Variants in CLNK observed in about 807,000 individuals in gnomAD.
The protein encoded by CLNK is cytokine dependent hematopoietic cell linker.
A neutral mutation model predicts 68.6 loss-of-function variants in CLNK; 74 were observed. That is an observed-to-expected ratio of 1.08 (90% confidence interval 0.89 to 1.31). The LOEUF (loss-of-function observed/expected upper bound fraction) is 1.31. CLNK is among the 50% of genes most tolerant of loss of function. The pLI is 0.00. For missense variants in CLNK, 553 were observed against 515.3 expected (o/e 1.07, Z -0.71); for synonymous variants, 198 against 172.2 (o/e 1.15, Z -1.17).
the CLNK span, among the ~76,000 whole-genome samples, chr4:10,699,470 C>CTG: frequency 0.023 from 271 of 11,950 alleles, no homozygotes; most frequent in African/African-American, 0.039. Context: ...CTCTCTGTCT[C>CTG]TCTCTCTCTC....
intron 2 of CLNK, 101 bp downstream of exon 2, chr4:10,667,758 C>T (rs549329038): frequency 6.3e-6 from 7 of 1,112,880 alleles, no homozygotes; most frequent in Admixed American, 2.9e-5. Context: ...TTTCCATGGG[C>T]GGCCACATTG....
intron 13 of CLNK, among the ~76,000 whole-genome samples, chr4:10,526,418 C>A (rs1440042899): frequency 1.3e-5 from 2 of 152,146 alleles, no homozygotes; most frequent in Non-Finnish European, 1.5e-5. Flanking sequence ...TCGATAAGAA[C>A]ATTTCTATTA....
chr4:10,722,147 T>C, the CLNK span, among the ~76,000 whole-genome samples: 1 of 152,070 alleles, frequency 6.6e-6, no homozygotes, highest in Non-Finnish European at 1.5e-5. Flanking sequence ...GCATTCCAGA[T>C]TGAGCGAGAG....
At chr4:10,535,707 A>G (rs983320986) in intron 11 of CLNK, among the ~76,000 whole-genome samples, 4 of 152,236 alleles carry the variant, frequency 2.6e-5, no homozygotes, top group Non-Finnish European at 5.9e-5. Context: ...ACACTGTTCT[A>G]ATATTTGCTT....
chr4:10,615,124 C>T (rs976539232), intron 2 of CLNK, among the ~76,000 whole-genome samples: 7 of 151,960 alleles, frequency 4.6e-5, no homozygotes, highest in Non-Finnish European at 7.4e-5. Flanking sequence ...AGGTGGAGGT[C>T]GGCAGTGACC....
In CLNK at chr4:10,564,564, G is replaced by A. The variant is rs17382991; in HGVS notation, c.399+107C>T. 0.056 allele frequency: 43,101 copies of A among 769,458 alleles called. 1,371 individuals carry two copies. The highest frequency in any genetic ancestry group is 0.072 in the African/African-American group (4,230 of 58,416). The allele number at this position is 769,458 out of a possible 1,614,324, so 47.7% of individuals were successfully genotyped here. On this transcript the variant is annotated intron_variant, in intron 7 of 18. Coordinates refer to ENST00000226951, the MANE Select transcript of CLNK (RefSeq NM_052964.4). Reference sequence around the variant, plus strand: ...CCATCCACCTCAGTGAGCTTGACCTGCTCTTTCCCTAATAAGATGGCCTGG... The same window carrying A: ...CCATCCACCTCAGTGAGCTTGACCTACTCTTTCCCTAATAAGATGGCCTGG...
intron 2 of CLNK, among the ~76,000 whole-genome samples, chr4:10,652,381 C>CAAAAAAA (rs67304153): frequency 5.9e-5 from 3 of 50,730 alleles, no homozygotes; most frequent in African/African-American, 7.9e-5. Context: ...GACTCTGTCT[C>CAAAAAAA]AAAAAAAAAA....
the CLNK span, among the ~76,000 whole-genome samples, chr4:10,724,409 C>T: frequency 1.3e-5 from 2 of 152,040 alleles, no homozygotes; most frequent in African/African-American, 4.8e-5. Flanking sequence ...CCTTCTCTAC[C>T]TTTTCCTGTT....
chr4:10,713,795 A>G, the CLNK span, among the ~76,000 whole-genome samples: 3 of 152,282 alleles, frequency 2.0e-5, no homozygotes, highest in African/African-American at 7.2e-5. Context: ...TCATCATGTG[A>G]CAACCAAGCA....
chr4:10,593,392 T>C (rs1279498203), intron 3 of CLNK, among the ~76,000 whole-genome samples: 1 of 152,092 alleles, frequency 6.6e-6, no homozygotes, highest in Non-Finnish European at 1.5e-5. Context: ...CGGTGGCTCA[T>C]GCCTGTCATC....
At chr4:10,728,898 C>T in the CLNK span, among the ~76,000 whole-genome samples, 1 of 151,948 alleles carries the variant, frequency 6.6e-6, no homozygotes, top group Non-Finnish European at 1.5e-5. Context: ...CACACCCGGC[C>T]CCTTTCTTAT....
the CLNK span, among the ~76,000 whole-genome samples, chr4:10,733,087 G>T: frequency 1.3e-5 from 2 of 152,048 alleles, no homozygotes; most frequent in African/African-American, 4.8e-5. Context: ...CCCCCCTTTC[G>T]GTTATAGCTG....
At chr4:10,541,627 A>G in intron 10 of CLNK, among the ~76,000 whole-genome samples, 1 of 151,952 alleles carries the variant, frequency 6.6e-6, no homozygotes, top group Non-Finnish European at 1.5e-5. Flanking sequence ...ATGAATATAT[A>G]CTTAATATAT....
At chr4:10,677,958 T>C (rs966052520) in intron 1 of CLNK, among the ~76,000 whole-genome samples, 1 of 152,160 alleles carries the variant, frequency 6.6e-6, no homozygotes, top group Non-Finnish European at 1.5e-5. Context: ...TTTTCAGCAT[T>C]GAACAATCCT....
At chr4:10,498,436 G>A (rs1161186459) in intron 18 of CLNK, among the ~76,000 whole-genome samples, 1 of 152,210 alleles carries the variant, frequency 6.6e-6, no homozygotes, top group Admixed American at 6.5e-5. Context: ...AGTTTGCAGT[G>A]AGCCGAGATC....
chr4:10,573,245 C>T (rs549439901), intron 4 of CLNK, among the ~76,000 whole-genome samples: 1 of 152,222 alleles, frequency 6.6e-6, no homozygotes, highest in East Asian at 1.9e-4. Context: ...GTGTAATGTA[C>T]AAATTAATGC....
chr4:10,630,650 A>G (rs61796792), intron 2 of CLNK, among the ~76,000 whole-genome samples: 6,551 of 152,284 alleles, frequency 0.043, 193 homozygotes, highest in Middle Eastern at 0.1. Context: ...TTTCCTATCT[A>G]TCTACACCAT....
At chr4:10,707,697 T>C in the CLNK span, among the ~76,000 whole-genome samples, 2 of 152,224 alleles carry the variant, frequency 1.3e-5, no homozygotes, top group Non-Finnish European at 2.9e-5. Flanking sequence ...TAAACCTCTT[T>C]ACAGTTCAGT....
At chr4:10,554,535 T>C (rs1719586416) in intron 8 of CLNK, among the ~76,000 whole-genome samples, 1 of 152,246 alleles carries the variant, frequency 6.6e-6, no homozygotes, top group Non-Finnish European at 1.5e-5. Flanking sequence ...ATTATTTTTC[T>C]TGTTTGGTAG....
Sources: gnomAD v4.1 joint callset for allele counts (sites outside exome capture counted in the v4.1 genomes callset) on GRCh38, gnomAD v4.1.1 for gene constraint, MANE v1.5 for transcripts, NCBI Gene and HGNC (gene_info 2026-07-23, HGNC 2026-07-21) for gene names.